The following ELP1 variants were observed in gnomAD, a reference collection of about 807,000 sequenced individuals.
ELP1 encodes the protein elongator complex protein 1.
A neutral mutation model predicts 183.2 loss-of-function variants in ELP1; 131 were observed. The observed-to-expected ratio is 0.72, with a 90% CI of 0.62 to 0.83. The LOEUF (loss-of-function observed/expected upper bound fraction) is 0.83. Among genes scored for constraint, ELP1 ranks in the 40% least tolerant of loss-of-function variants. The pLI, the probability that ELP1 is intolerant of heterozygous loss-of-function variation, is 0.00. For synonymous variants in ELP1, 555 were observed against 569.0 expected (o/e 0.98, Z 0.35); for missense variants, 1,550 against 1,594.9 (o/e 0.97, Z 0.48).
In ELP1 at chr9:108,867,746, C is replaced by T. The variant is rs564290288; in HGVS notation, c.*1369G>A. The T allele has an allele frequency of 6.6e-6, 1 of 152,320 alleles. No homozygotes were observed. The highest frequency in any genetic ancestry group is 2.4e-5 in the African/African-American group (1 of 41,572). The allele number at this position is 152,320 out of a possible 1,614,324, so 9.4% of individuals were successfully genotyped here. ...AAGCAAAGTATATCTTCTTTCTCTT[C>T]TTTTTAAAAACTCCTATGAGATTGT... On this transcript the variant is annotated 3_prime_UTR_variant, in exon 37 of 37. Transcript: ENST00000374647.
chr9:108,888,030 T>C (rs1828194203), intron 29 of ELP1, among the ~76,000 whole-genome samples: 1 of 152,180 alleles, frequency 6.6e-6, no homozygotes. Flanking sequence ...CAAATGTACA[T>C]CAACTGGTAA....
intron 4 of ELP1, among the ~76,000 whole-genome samples, 173 bp from the exon 5 acceptor site, chr9:108,926,776 T>C (rs1276330696): frequency 6.6e-6 from 1 of 152,186 alleles, no homozygotes; most frequent in East Asian, 1.9e-4. Context: ...CCCAAAAAGC[T>C]TTCCCTAGAT....
chr9:108,897,089 C>T (rs1828582672), intron 23 of ELP1, 51 bp from the exon 24 acceptor site: 1 of 1,613,628 alleles, frequency 6.2e-7, no homozygotes, highest in East Asian at 2.2e-5. Context: ...GTAGGCTGGA[C>T]AAGGACAACT....
chr9:108,869,705 GAA>G (rs2118908579), intron 36 of ELP1, among the ~76,000 whole-genome samples: 1 of 152,208 alleles, frequency 6.6e-6, no homozygotes, highest in African/African-American at 2.4e-5. Context: ...AGAGGGTTAG[GAA>G]AAGATTCTGT....
intron 34 of ELP1, among the ~76,000 whole-genome samples, chr9:108,878,386 C>T (rs1827782826): frequency 6.6e-6 from 1 of 152,188 alleles, no homozygotes; most frequent in South Asian, 2.1e-4. Flanking sequence ...TTTATCCTGG[C>T]CTAAGCATCT....
At chr9:108,933,218 T>C (rs1448973421) in intron 1 of ELP1, among the ~76,000 whole-genome samples, 1 of 152,228 alleles carries the variant, frequency 6.6e-6, no homozygotes, top group Non-Finnish European at 1.5e-5. Flanking sequence ...GACAGACCAT[T>C]TCTACTCTAT....
chr9:108,929,235 A>C (rs889020136), intron 3 of ELP1, among the ~76,000 whole-genome samples: 1 of 150,850 alleles, frequency 6.6e-6, no homozygotes, highest in African/African-American at 2.5e-5. Context: ...GAAGGTGAGG[A>C]TAGAAATCAG....
At chr9:108,910,894 G>T in intron 12 of ELP1, 116 bp downstream of exon 12, 2 of 843,414 alleles carry the variant, frequency 2.4e-6, no homozygotes, top group Non-Finnish European at 4.0e-6. Context: ...ATCAACTGCA[G>T]ACTTAAAAAT....
At chr9:108,909,167 TC>T (rs1829120561) in intron 12 of ELP1, among the ~76,000 whole-genome samples, 1 of 151,982 alleles carries the variant, frequency 6.6e-6, no homozygotes, top group African/African-American at 2.4e-5. Flanking sequence ...AAAGACACCT[TC>T]CCCCTGTAAA....
At chr9:108,898,032 AC>A (rs1828622742) in intron 22 of ELP1, among the ~76,000 whole-genome samples, 1 of 152,250 alleles carries the variant, frequency 6.6e-6, no homozygotes, top group South Asian at 2.1e-4. Flanking sequence ...CAATTTGTCT[AC>A]AAACAAGATG....
At chr9:108,915,244 C>G (rs953501791) in intron 10 of ELP1, among the ~76,000 whole-genome samples, 2 of 152,144 alleles carry the variant, frequency 1.3e-5, no homozygotes, top group African/African-American at 4.8e-5. Context: ...TGATGACTTA[C>G]AACAGTTAAT....
At chr9:108,887,625 C>T (rs1258203627) in intron 29 of ELP1, among the ~76,000 whole-genome samples, 2 of 152,184 alleles carry the variant, frequency 1.3e-5, no homozygotes, top group African/African-American at 4.8e-5. Flanking sequence ...TAGCCCTGGC[C>T]AATACCTTAA....
chr9:108,889,186 G>C (rs1828231190), intron 29 of ELP1, 146 bp downstream of exon 29: 2 of 801,014 alleles, frequency 2.5e-6, no homozygotes, highest in African/African-American at 3.4e-5. Context: ...TCCAAGTCAA[G>C]CCAGCAAGAT....
At chr9:108,896,472 C>T in intron 25 of ELP1, 24 bp downstream of exon 25, 3 of 1,612,568 alleles carry the variant, frequency 1.9e-6, no homozygotes, top group Non-Finnish European at 2.5e-6. Flanking sequence ...AACCAAATGG[C>T]ATAAAAGTAA....
intron 5 of ELP1, among the ~76,000 whole-genome samples, chr9:108,923,397 T>C (rs756104343): frequency 6.6e-6 from 1 of 152,054 alleles, no homozygotes; most frequent in African/African-American, 2.4e-5. Flanking sequence ...CAAAACCCAT[T>C]TCATATTATA....
At position 108,931,104 on chromosome 9, in the gene ELP1, T is replaced by C. The variant is rs1250977761; in HGVS notation, c.43A>G (p.Ile15Val). Reference protein sequence around the residue: ...KLFRTLEFRDIQGPGNPQCFS... With the variant: ...KLFRTLEFRDVQGPGNPQCFS... ...CACTGAGGATTCCCTGGACCTTGAA[T>C]ATCCCTGAACTCCAGGGTCCGAAAT... The change falls in exon 2 of 37, where the codon ATT (isoleucine) becomes GTT (valine). Residue 15 changes from isoleucine to valine, a missense_variant. By Grantham distance (29) the Ile-to-Val change is conservative (BLOSUM62 3). Coordinates refer to ENST00000374647, the MANE Select transcript of ELP1 (RefSeq NM_003640.5). 3.1e-6 allele frequency: 5 copies of C among 1,613,998 alleles called. No homozygotes were observed. Among genetic ancestry groups the C allele is most frequent in the Non-Finnish European group, 4.2e-6 (5 of 1,179,970 alleles).
Position 108,880,220 on chromosome 9 carries a change from A to T in ELP1, c.3347-55T>A, listed in dbSNP as rs1402977418. 3.3e-6 allele frequency: 4 copies of T among 1,201,444 alleles called. No individual in the cohort carries two copies. In the Admixed American group the frequency reaches 6.8e-5, roughly 20 times the overall value. The allele number at this position is 1,201,444 out of a possible 1,614,324, so 74.4% of individuals were successfully genotyped here. A position where few individuals can be genotyped will look rare whatever the true frequency, so the allele number is the denominator to read the frequency against. On this transcript the variant is annotated intron_variant, in intron 31 of 36. Transcript: ENST00000374647. Reference sequence around the variant, plus strand: ...GCATGAGGTTTAAGCAAAGAGAAAAAACTAAAGGCGGGGAGCAGTGAAGGA... The same window carrying T: ...GCATGAGGTTTAAGCAAAGAGAAAATACTAAAGGCGGGGAGCAGTGAAGGA...
In ELP1 at chr9:108,874,939, A is replaced by T; in HGVS notation, c.3887T>A (p.Ile1296Asn). The T allele has an allele frequency of 6.2e-7, 1 of 1,612,946 alleles. No individual in the cohort carries two copies. Among genetic ancestry groups the T allele is most frequent in the Non-Finnish European group, 8.5e-7 (1 of 1,179,002 alleles). The change falls in exon 36 of 37, where the codon ATC (isoleucine) becomes AAC (asparagine). Residue 1296 changes from isoleucine (I) to asparagine (N), a missense_variant. By Grantham distance (149) the Ile-to-Asn change is moderately radical. Coordinates refer to ENST00000374647, the MANE Select transcript of ELP1 (RefSeq NM_003640.5). ...CTTCTGTTGCTGATAAGATGCCATG[A>T]TACTATTTGCAGTAGAATTGGGACC... ...VLGPNSTANS[I>N]MASYQQQKTS...
chr9:108,886,921 A>G (rs750856709), intron 29 of ELP1, among the ~76,000 whole-genome samples: 10 of 151,284 alleles, frequency 6.6e-5, no homozygotes, highest in Non-Finnish European at 1.5e-4. Context: ...AAAAAAGCAA[A>G]TATCAGGCCA....
Sources: allele counts gnomAD v4.1 joint callset (sites outside exome capture counted in the v4.1 genomes callset), GRCh38; gene constraint gnomAD v4.1.1; transcripts MANE v1.5; gene names NCBI Gene and HGNC (gene_info 2026-07-23, HGNC 2026-07-21).